Variants in CDH13 observed in about 807,000 individuals in gnomAD.
The protein encoded by CDH13 is cadherin 13.
In CDH13, 24 loss-of-function variants were observed where a neutral mutation model predicts 63.8. That is an observed-to-expected ratio of 0.38 (90% CI 0.27 to 0.53). The LOEUF (loss-of-function observed/expected upper bound fraction) is 0.53, where lower values mean the gene tolerates loss of function less well. Among genes scored for constraint, CDH13 ranks in the 20% least tolerant of loss-of-function variants. CDH13 has a pLI of 0.85. For missense variants in CDH13, 1,049 were observed against 903.1 expected, an observed-to-expected ratio of 1.16 and a Z score of -2.07; for synonymous variants, 503 against 355.3, an observed-to-expected ratio of 1.42 and a Z score of -4.67.
At chr16:82,901,257 C>T (rs978997046) in intron 2 of CDH13, among the ~76,000 whole-genome samples, 1 of 151,816 alleles carries the variant, frequency 6.6e-6, no homozygotes, top group Non-Finnish European at 1.5e-5. Flanking sequence ...AATTAGGAAT[C>T]TCCTTGCAGG....
intron 8 of CDH13, among the ~76,000 whole-genome samples, chr16:83,615,991 C>T (rs768283271): frequency 6.6e-6 from 1 of 152,124 alleles, no homozygotes; most frequent in Non-Finnish European, 1.5e-5. Context: ...GTTCAAATAT[C>T]GGAGGCCCTG....
intron 2 of CDH13, among the ~76,000 whole-genome samples, chr16:83,027,212 G>GA (rs997629957): frequency 1.3e-4 from 20 of 151,440 alleles, no homozygotes; most frequent in African/African-American, 4.6e-4. Context: ...CTCCCATGTG[G>GA]AAAAACATGC....
intron 4 of CDH13, among the ~76,000 whole-genome samples, chr16:83,175,719 C>G (rs2038093111): frequency 6.6e-6 from 1 of 151,778 alleles, no homozygotes; most frequent in Non-Finnish European, 1.5e-5. Context: ...GAGTCACCAA[C>G]ACATTAAATT....
intron 4 of CDH13, among the ~76,000 whole-genome samples, chr16:83,133,058 C>T (rs1001282395): frequency 6.6e-6 from 1 of 152,194 alleles, no homozygotes; most frequent in Non-Finnish European, 1.5e-5. Flanking sequence ...TGCCTCTACA[C>T]AGCCCAATAT....
At chr16:83,467,647 T>C (rs1285883551) in intron 6 of CDH13, among the ~76,000 whole-genome samples, 1 of 152,148 alleles carries the variant, frequency 6.6e-6, no homozygotes, top group Non-Finnish European at 1.5e-5. Context: ...TGTGTGCTTC[T>C]CATATTTGGA....
intron 10 of CDH13, among the ~76,000 whole-genome samples, chr16:83,702,587 C>T (rs905135013): frequency 2.0e-5 from 3 of 152,152 alleles, no homozygotes; most frequent in South Asian, 4.1e-4. Flanking sequence ...AAGTTCAGCC[C>T]GCCTGTATGT....
intron 6 of CDH13, among the ~76,000 whole-genome samples, chr16:83,375,931 G>C (rs1567626869): frequency 1.3e-5 from 2 of 152,162 alleles, no homozygotes; most frequent in African/African-American, 2.4e-5. Context: ...ACGTCATGCA[G>C]AGTGTATGCA....
chr16:82,786,007 CT>C (rs1357686772), intron 1 of CDH13, among the ~76,000 whole-genome samples: 1 of 152,126 alleles, frequency 6.6e-6, no homozygotes, highest in Non-Finnish European at 1.5e-5. Flanking sequence ...CTAATTCCGA[CT>C]GGCAAATTTA....
intron 7 of CDH13, among the ~76,000 whole-genome samples, chr16:83,558,121 A>G (rs1475292903): frequency 6.6e-6 from 1 of 152,208 alleles, no homozygotes; most frequent in Admixed American, 6.5e-5. Context: ...TACACTGACA[A>G]GAATCCTTCT....
chr16:82,838,718 C>A (rs34264140), intron 1 of CDH13, among the ~76,000 whole-genome samples: 1 of 152,048 alleles, frequency 6.6e-6, no homozygotes, highest in East Asian at 1.9e-4. Context: ...CTATTTTCAC[C>A]TTTTTTGGCC....
At chr16:83,500,683 G>A (rs1478195978) in intron 7 of CDH13, among the ~76,000 whole-genome samples, 5 of 145,660 alleles carry the variant, frequency 3.4e-5, no homozygotes, top group African/African-American at 1.0e-4. Context: ...AGCAATTCTC[G>A]CACCTCAGCC....
chr16:82,700,228 A>T (rs2030816785), intron 1 of CDH13, among the ~76,000 whole-genome samples: 1 of 152,196 alleles, frequency 6.6e-6, no homozygotes. Context: ...GTGCATACTG[A>T]ATTTCCAAGA....
intron 2 of CDH13, among the ~76,000 whole-genome samples, chr16:82,978,082 C>T (rs1909769264): frequency 6.6e-6 from 1 of 152,118 alleles, no homozygotes. Context: ...AGATCTCTGG[C>T]ACTTTGAACT....
chr16:83,728,743 G>A (rs1444607027), intron 10 of CDH13: 1 of 152,162 alleles, frequency 6.6e-6, no homozygotes, highest in Non-Finnish European at 1.5e-5. Context: ...GATGTGACGG[G>A]TTTTGACGAG....
At chr16:83,457,998 G>C (rs983520758) in intron 6 of CDH13, among the ~76,000 whole-genome samples, 2 of 152,220 alleles carry the variant, frequency 1.3e-5, no homozygotes, top group Admixed American at 6.5e-5. Flanking sequence ...CCCGGGGGCA[G>C]AATGGGAGGC....
At chr16:83,691,070 CCGTG>C (rs1198302178) in intron 10 of CDH13, among the ~76,000 whole-genome samples, 45 of 105,386 alleles carry the variant, frequency 4.3e-4, no homozygotes, top group Middle Eastern at 4.4e-3. Flanking sequence ...ACCAACTGTG[CCGTG>C]TGTGTGTGTG....
chr16:82,719,759 T>G (rs2032638800), intron 1 of CDH13, among the ~76,000 whole-genome samples: 1 of 141,864 alleles, frequency 7.0e-6, no homozygotes, highest in South Asian at 2.2e-4. Flanking sequence ...AACAGGAGAA[T>G]CACTTAAACC....
intron 6 of CDH13, among the ~76,000 whole-genome samples, chr16:83,485,447 GA>G (rs1428958455): frequency 2.0e-5 from 3 of 152,178 alleles, no homozygotes; most frequent in Non-Finnish European, 4.4e-5. Flanking sequence ...CTATTTGTAT[GA>G]CTCTTGCTTG....
intron 2 of CDH13, among the ~76,000 whole-genome samples, chr16:82,887,823 GA>G (rs920855177): frequency 6.7e-6 from 1 of 149,612 alleles, no homozygotes; most frequent in African/African-American, 2.5e-5. Context: ...CTCCGTCTCA[GA>G]AAAAAAAAGA....
Sources: allele counts gnomAD v4.1 joint callset (sites outside exome capture counted in the v4.1 genomes callset), GRCh38; gene constraint gnomAD v4.1.1; transcripts MANE v1.5; gene names NCBI Gene and HGNC (gene_info 2026-07-23, HGNC 2026-07-21).